LYRM9: variants seen among roughly 807,000 people sequenced by gnomAD.
LYRM9 encodes the protein LYR motif containing 9.
LYRM9 carries 14 observed loss-of-function variants against 12.6 expected under a neutral mutation model. That is an observed-to-expected ratio of 1.11 (90% confidence interval 0.73 to 1.73). LYRM9 has a LOEUF of 1.73. Ranked by LOEUF, LYRM9 falls within the 40% of genes most tolerant of loss-of-function variation. The pLI is 0.00. For missense variants in LYRM9, 94 were observed against 95.0 expected (o/e 0.99, Z 0.04); for synonymous variants, 42 against 35.1 (o/e 1.20, Z -0.69).
At position 27,882,587 on chromosome 17, in the gene LYRM9, G is replaced by A; in HGVS notation, c.108C>T (p.Tyr36=). 6 of 1,595,480 alleles carry A rather than the reference G, an allele frequency of 3.8e-6. No individual in the cohort carries two copies. The highest frequency in any genetic ancestry group is 1.3e-5 in the African/African-American group (1 of 74,654). Residue 36 remains tyrosine (Y), a synonymous_variant, in exon 2 of 4, where the codon TAC becomes TAT. Transcript: ENST00000379102. ...CTCGCACCTGCCTGACAGCATGCTT[G>A]TAATGCTGCTGGATGCCCTTGGTCG... ...QLPTKGIQQH[Y]KHAVRQSFRV... is the part of the protein sequence containing the mutation.
rs1342667423 is a variant in LYRM9, at chr17:27,879,049, C to G, written c.*424G>C. The G allele has an allele frequency of 6.1e-6, 1 of 165,042 alleles. No homozygotes were observed. Among genetic ancestry groups the G allele is most frequent in the African/African-American group, 2.4e-5 (1 of 41,552 alleles). The allele number at this position is 165,042 out of a possible 1,614,324, so 10.2% of individuals were successfully genotyped here. The stretch of plus-strand genomic sequence containing the variant: ...GCACTTCACCTTCATCTTATTGCAT[C>G]TGGGATTCAAATCCAGATCTGTCTG... On this transcript the variant is annotated 3_prime_UTR_variant, in exon 4 of 4. Transcript: ENST00000379102.
chr17:27,881,926 T>C (rs1905075067), intron 2 of LYRM9, among the ~76,000 whole-genome samples: 5 of 152,100 alleles, frequency 3.3e-5, no homozygotes, highest in Admixed American at 2.6e-4. Flanking sequence ...CCCACCTCAT[T>C]GTTTGATTTT....
At chr17:27,882,895 G>C (rs1056181946) in intron 1 of LYRM9, 183 bp from the exon 2 acceptor site, 6 of 702,390 alleles carry the variant, frequency 8.5e-6, no homozygotes, top group Non-Finnish European at 1.5e-5. Flanking sequence ...CTCTAGCCCA[G>C]AGCAGGCCCA....
intron 1 of LYRM9, among the ~76,000 whole-genome samples, chr17:27,891,570 C>A (rs1267317697): frequency 6.6e-6 from 1 of 152,176 alleles, no homozygotes; most frequent in Non-Finnish European, 1.5e-5. Flanking sequence ...TCAAGAATTC[C>A]CCTTCATCCT....
chr17:27,890,149 C>T (rs1043665926), intron 1 of LYRM9, among the ~76,000 whole-genome samples: 5 of 152,152 alleles, frequency 3.3e-5, no homozygotes, highest in African/African-American at 1.2e-4. Flanking sequence ...AAAGACTATG[C>T]CCTTATCTGC....
chr17:27,888,532 C>T (rs1421586004), intron 1 of LYRM9, among the ~76,000 whole-genome samples: 1 of 152,188 alleles, frequency 6.6e-6, no homozygotes, highest in Admixed American at 6.5e-5. Flanking sequence ...AATCACTTTA[C>T]TCTCAGGAGA....
intron 1 of LYRM9, among the ~76,000 whole-genome samples, chr17:27,884,481 G>C (rs1316382037): frequency 1.3e-5 from 2 of 152,216 alleles, no homozygotes; most frequent in African/African-American, 2.4e-5. Flanking sequence ...CCTGGCCGTG[G>C]ACTCCTTCCC....
chr17:27,882,794 G>A lies in LYRM9; in HGVS notation c.-18-82C>T, dbSNP rs1284050617. 2.1e-6 allele frequency: 3 copies of A among 1,441,360 alleles called. No individual in the cohort carries two copies. In the African/African-American group the frequency reaches 4.3e-5, roughly 20 times the overall value. The allele number at this position is 1,441,360 out of a possible 1,614,324, so 89.3% of individuals were successfully genotyped here. A position where few individuals can be genotyped will look rare whatever the true frequency, so the allele number is the denominator to read the frequency against. On this transcript the variant is annotated intron_variant, in intron 1 of 3. Coordinates refer to ENST00000379102, the MANE Select transcript of LYRM9 (RefSeq NM_001076680.3). ...TGACCCCCAGTTCCCAGTACTCTGG[G>A]AAGCAAGCTTGGTGCAGTGCAGAGG...
chr17:27,879,723 A>G (rs1904973666), intron 3 of LYRM9: 1 of 553,844 alleles, frequency 1.8e-6, no homozygotes, highest in Non-Finnish European at 3.2e-6. Flanking sequence ...GAGGATAGTG[A>G]TAACTCACTC....
intron 3 of LYRM9, chr17:27,880,025 A>T: frequency 1.5e-6 from 1 of 672,920 alleles, no homozygotes; most frequent in Non-Finnish European, 2.7e-6. Flanking sequence ...CAGCTCGATC[A>T]GCACTGTTGG....
At chr17:27,880,481 T>G in intron 2 of LYRM9, 115 bp from the exon 3 acceptor site, 2 of 685,780 alleles carry the variant, frequency 2.9e-6, no homozygotes, top group Non-Finnish European at 5.1e-6. Context: ...AGCAGCTCTC[T>G]TCATCCTCCA....
chr17:27,892,347 A>G (rs1905484521), intron 1 of LYRM9: 1 of 444,542 alleles, frequency 2.2e-6, no homozygotes. Flanking sequence ...AAGGGAAATT[A>G]GTAAGAAAAA....
intron 1 of LYRM9, among the ~76,000 whole-genome samples, chr17:27,890,404 AAAAG>A (rs1396499266): frequency 7.2e-5 from 11 of 152,224 alleles, no homozygotes; most frequent in South Asian, 6.2e-4. Flanking sequence ...AAAAAAAATC[AAAAG>A]AAAGAAAGAG....
chr17:27,888,137 T>C (rs1376481580), intron 1 of LYRM9, among the ~76,000 whole-genome samples: 1 of 152,222 alleles, frequency 6.6e-6, no homozygotes, highest in Non-Finnish European at 1.5e-5. Flanking sequence ...ACTATCCTGG[T>C]AGACATTCAA....
At position 27,883,736 on chromosome 17, in the gene LYRM9, C is replaced by G. The variant is rs565546931; in HGVS notation, c.-18-1024G>C. Among the ~76,000 whole-genome samples, 8 of 144,600 alleles carry G rather than the reference C, an allele frequency of 5.5e-5. No homozygotes were observed. The East Asian group carries it at 1.6e-3, about 30-fold the overall frequency. The allele number at this position is 144,600 out of a possible 152,430, so 94.9% of individuals were successfully genotyped here. A position where few individuals can be genotyped will look rare whatever the true frequency, so the allele number is the denominator to read the frequency against. ...TGTGATTAATGCACACATAAGAAAA[C>G]CGGTCACAGAGAGGTCTGATAACTT... is the stretch of plus-strand genomic sequence containing the variant. On this transcript the variant is annotated intron_variant, in intron 1 of 3. Transcript: ENST00000379102.
intron 1 of LYRM9, among the ~76,000 whole-genome samples, chr17:27,891,184 C>G (rs960327703): frequency 6.6e-6 from 1 of 152,190 alleles, no homozygotes; most frequent in Non-Finnish European, 1.5e-5. Flanking sequence ...CCATGGCCTT[C>G]TGAGATCTGT....
In LYRM9 at chr17:27,888,653, C is replaced by A. The variant is rs1336063987; in HGVS notation, c.-19+4664G>T. 2.0e-5 allele frequency among the ~76,000 whole-genome samples: 3 copies of A among 152,150 alleles called. No homozygotes were observed. The East Asian group carries it at 5.8e-4, about 29-fold the overall frequency. ...GAGTGAGGAAGATGAAGAAATGCAG[C>A]AGAATGTTCAGATCACGTTTAGATG... On this transcript the variant is annotated intron_variant, in intron 1 of 3. Transcript: ENST00000379102.
intron 1 of LYRM9, among the ~76,000 whole-genome samples, chr17:27,890,004 T>C (rs1905376224): frequency 6.6e-6 from 1 of 152,130 alleles, no homozygotes. Flanking sequence ...CTCACAACAA[T>C]ATTTTAAGGG....
intron 3 of LYRM9, chr17:27,879,793 T>C (rs1904978367): frequency 3.7e-6 from 2 of 543,712 alleles, no homozygotes; most frequent in Non-Finnish European, 6.5e-6. Context: ...TAGGTCCTTC[T>C]AATACCAGCA....
Sources: allele counts gnomAD v4.1 joint callset (sites outside exome capture counted in the v4.1 genomes callset), GRCh38; gene constraint gnomAD v4.1.1; transcripts MANE v1.5; gene names NCBI Gene and HGNC (gene_info 2026-07-23, HGNC 2026-07-21).